Variants in NOC4L observed in about 807,000 individuals in gnomAD.
The protein encoded by NOC4L is nucleolar complex protein 4 homolog.
Under a neutral mutation model 62.8 loss-of-function variants are expected in NOC4L, and 40 were observed. The ratio of observed to expected loss-of-function variants is 0.64; its 90% CI spans 0.49 to 0.83. The LOEUF is 0.83. Among genes scored for constraint, NOC4L ranks in the 40% least tolerant of loss-of-function variants. NOC4L has a pLI of 0.00. For synonymous variants in NOC4L, 433 were observed against 299.8 expected (o/e 1.44, Z -4.59); for missense variants, 927 against 701.9 (o/e 1.32, Z -3.62).
At chr12:132,147,105 A>G (rs544529377) in intron 3 of NOC4L, among the ~76,000 whole-genome samples, 176 bp from the exon 4 acceptor site, 2 of 152,296 alleles carry the variant, frequency 1.3e-5, no homozygotes, top group South Asian at 4.1e-4. Flanking sequence ...TCTCTACGTC[A>G]TGGGTGGGAC....
At position 132,145,603 on chromosome 12, in the gene NOC4L, C is replaced by T. The variant is rs924697852; in HGVS notation, c.283C>T (p.Arg95Cys). The T allele has an allele frequency of 4.3e-6, 7 of 1,613,338 alleles. No homozygotes were observed. The highest frequency in any genetic ancestry group is 4.5e-5 in the East Asian group (2 of 44,886). ...GAAGTACAAGGTGTGGATGAGACAC[C>T]GCTATCACAGCTGCTGCAATCGCTT... is the stretch of plus-strand genomic sequence containing the variant. ...TRKYKVWMRH[R>C]YHSCCNRLGE... is the part of the protein sequence containing the mutation. The change falls in exon 3 of 15, where the codon CGC (arginine) becomes TGC (cysteine). Residue 95 changes from arginine (R) to cysteine (C), a missense_variant. Arg to Cys is a radical substitution (Grantham distance 180). Transcript: ENST00000330579.
chr12:132,148,149 G>GTT (rs769329593), intron 7 of NOC4L, 43 bp downstream of exon 7: 2 of 1,605,204 alleles, frequency 1.2e-6, no homozygotes, highest in Non-Finnish European at 1.7e-6. Flanking sequence ...CGGGTTTGGG[G>GTT]GTGTGTGTGG....
rs921904244 is a variant in NOC4L, at chr12:132,151,180, G to A, written c.963-78G>A. 63 of 1,436,968 alleles carry A rather than the reference G, an allele frequency of 4.4e-5. No individual in the cohort carries two copies. In the Middle Eastern group the frequency reaches 5.2e-4, roughly 12 times the overall value. The allele number at this position is 1,436,968 out of a possible 1,614,324, so 89.0% of individuals were successfully genotyped here. On this transcript the variant is annotated intron_variant, in intron 10 of 14. Coordinates refer to ENST00000330579, the MANE Select transcript of NOC4L (RefSeq NM_024078.3). The stretch of plus-strand genomic sequence containing the variant: ...GAGTCCCTGGGCGGGAGGAAGGGGC[G>A]CCGAGTGAGACCCTGGCCTTGGAGG...
intron 9 of NOC4L, 152 bp from the exon 10 acceptor site, chr12:132,150,829 C>G: frequency 6.1e-6 from 4 of 651,004 alleles, no homozygotes; most frequent in Middle Eastern, 4.1e-4. Context: ...CTCCCCTGCC[C>G]TGCATGTGGT....
intron 7 of NOC4L, 121 bp from the exon 8 acceptor site, chr12:132,148,488 G>C: frequency 1.8e-6 from 2 of 1,083,604 alleles, no homozygotes; most frequent in East Asian, 5.2e-5. Context: ...GGAAGGCAGG[G>C]TCAGAAAAGT....
chr12:132,150,674 A>ACCC lies in NOC4L; in HGVS notation c.902-305_902-304insCCC, dbSNP rs1412323361. Among the ~76,000 whole-genome samples, 10 of 35,042 alleles carry ACCC rather than the reference A, an allele frequency of 2.9e-4. 5 individuals are homozygous for ACCC. Among genetic ancestry groups the ACCC allele is most frequent in the Admixed American group, 5.4e-4 (2 of 3,696 alleles). The allele number at this position is 35,042 out of a possible 152,430, so 23.0% of individuals were successfully genotyped here. ...CGGTGAGTGCCGCCGCCTCGCTCAT[A>ACCC]CCACACCCCTAATCCCCTCGGTGAG... On this transcript the variant is annotated intron_variant, in intron 9 of 14. Coordinates refer to ENST00000330579, the MANE Select transcript of NOC4L (RefSeq NM_024078.3).
Position 132,151,657 on chromosome 12 carries a change from G to A in NOC4L, c.1234+13G>A, listed in dbSNP as rs1333218102. 5 of 1,611,336 alleles carry A rather than the reference G, an allele frequency of 3.1e-6. No homozygotes were observed. Among genetic ancestry groups the A allele is most frequent in the Non-Finnish European group, 4.2e-6 (5 of 1,179,256 alleles). On this transcript the variant is annotated intron_variant, in intron 12 of 14. Coordinates refer to ENST00000330579, the MANE Select transcript of NOC4L (RefSeq NM_024078.3). ...CCACACGGCCCTGGTGAGTTGCGGG[G>A]CCCTCGGAGGCTGGGCTGGAGCTGG...
chr12:132,148,821 T>C lies in NOC4L; in HGVS notation c.827T>C (p.Val276Ala), dbSNP rs776363015. 4.7e-5 allele frequency: 76 copies of C among 1,603,512 alleles called. 1 individual carries two copies. Among genetic ancestry groups the C allele is most frequent in the Non-Finnish European group, 5.8e-5 (68 of 1,178,052 alleles). The change falls in exon 9 of 15, where the codon GTG becomes GCG. Residue 276 changes from valine (V) to alanine (A), a missense_variant. Physicochemically the swap from Val to Ala is moderately conservative, Grantham distance 64. Transcript: ENST00000330579. ...CTCTACAAGAAGGTGCTGCTGATTG[T>C]GCATGACGCCATCCTGCCGCAGCTG... ...LSLYKKVLLIVHDAILPQLAQ... is the reference protein window; with the variant it reads ...LSLYKKVLLIAHDAILPQLAQ...
At chr12:132,145,997 C>G (rs538514584) in intron 3 of NOC4L, among the ~76,000 whole-genome samples, 208 of 152,310 alleles carry the variant, frequency 1.4e-3, no homozygotes, top group African/African-American at 4.7e-3. Flanking sequence ...GCATTATGAG[C>G]TTTCTTAAAA....
chr12:132,147,622 C>T lies in NOC4L; in HGVS notation c.454-11C>T. On this transcript the variant is annotated splice_polypyrimidine_tract_variant and intron_variant, in intron 4 of 14. Transcript: ENST00000330579. The stretch of plus-strand genomic sequence containing the variant: ...GGCCGGGCAGGGCTGCTCACTGGTC[C>T]TTGCCCCTAGTTGGTGGTGGGAGGC... 3 of 1,612,312 alleles carry T rather than the reference C, an allele frequency of 1.9e-6. No individual in the cohort carries two copies. Among genetic ancestry groups the T allele is most frequent in the Non-Finnish European group, 2.5e-6 (3 of 1,179,666 alleles).
intron 2 of NOC4L, 79 bp from the exon 3 acceptor site, chr12:132,145,480 C>T: frequency 2.2e-6 from 2 of 920,036 alleles, no homozygotes; most frequent in East Asian, 5.0e-5. Flanking sequence ...GAGGGTGGAG[C>T]CAGGCCTGAG....
Position 132,145,011 on chromosome 12 carries a change from T to C in NOC4L, c.238+37T>C, listed in dbSNP as rs556543310. The C allele has an allele frequency of 1.8e-5, 28 of 1,558,604 alleles. No individual in the cohort carries two copies. The South Asian group carries it at 3.0e-4, about 17-fold the overall frequency. Reference sequence around the variant, plus strand: ...AGGGCCCCGGGGCTGCTCTTCTCTTTCCGTGGGTCGGAGGGAGGCTTTGTC... The same window carrying C: ...AGGGCCCCGGGGCTGCTCTTCTCTTCCCGTGGGTCGGAGGGAGGCTTTGTC... On this transcript the variant is annotated intron_variant, in intron 2 of 14. Transcript: ENST00000330579.
At position 132,148,946 on chromosome 12, in the gene NOC4L, G is replaced by A. The variant is rs765367353; in HGVS notation, c.901+51G>A. ...CACACCCCTAATCCCCTCGGTGAGT[G>A]CCGCCGCCTCACTCCTACCACACCC... On this transcript the variant is annotated intron_variant, in intron 9 of 14. Coordinates refer to ENST00000330579, the MANE Select transcript of NOC4L (RefSeq NM_024078.3). 3.5e-5 allele frequency: 14 copies of A among 403,628 alleles called. 1 individual carries two copies. The highest frequency in any genetic ancestry group is 1.9e-4 in the African/African-American group (7 of 36,722). 25.0% of individuals were successfully genotyped at this position (403,628 alleles called of 1,614,324 possible).
In NOC4L at chr12:132,147,619, G is replaced by A; in HGVS notation, c.454-14G>A. On this transcript the variant is annotated splice_polypyrimidine_tract_variant and intron_variant, in intron 4 of 14. Coordinates refer to ENST00000330579, the MANE Select transcript of NOC4L (RefSeq NM_024078.3). ...CTGGGCCGGGCAGGGCTGCTCACTG[G>A]TCCTTGCCCCTAGTTGGTGGTGGGA... 1.2e-6 allele frequency: 2 copies of A among 1,612,248 alleles called. No homozygotes were observed. The highest frequency in any genetic ancestry group is 1.7e-4 in the Middle Eastern group (1 of 6,060).
chr12:132,145,045 A>G, intron 2 of NOC4L, 71 bp downstream of exon 2: 1 of 1,508,884 alleles, frequency 6.6e-7, no homozygotes, highest in Non-Finnish European at 8.9e-7. Flanking sequence ...TCACCATGGG[A>G]TGAGCGCCCC....
At chr12:132,148,500 G>C in intron 7 of NOC4L, 109 bp from the exon 8 acceptor site, 1 of 1,209,748 alleles carries the variant, frequency 8.3e-7, no homozygotes, top group Non-Finnish European at 1.2e-6. Context: ...CAGAAAAGTG[G>C]AGAGCAGGCT....
rs11543305 is a variant in NOC4L, at chr12:132,147,310, C to T, written c.375C>T (p.Phe125=). The T allele has an allele frequency of 0.1, 161,602 of 1,579,092 alleles. 9,081 individuals carry two copies. The highest frequency in any genetic ancestry group is 0.12 in the Non-Finnish European group (134,862 of 1,161,810). The part of the protein sequence containing the change: ...KELALSALLK[F]VQLEGAHPLE... Reference sequence around the variant, plus strand: ...TGGCCCTCAGCGCACTCCTGAAGTTCGTGCAGCTGGAAGGAGCGCACCCCC... The same window carrying T: ...TGGCCCTCAGCGCACTCCTGAAGTTTGTGCAGCTGGAAGGAGCGCACCCCC... The change falls in exon 4 of 15, where the codon TTC becomes TTT. Residue 125 remains phenylalanine, a synonymous_variant. Transcript: ENST00000330579.
Position 132,152,354 on chromosome 12 carries a change from C to T in NOC4L, c.1504C>T (p.Leu502=), listed in dbSNP as rs1484034873. The T allele has an allele frequency of 2.5e-6, 4 of 1,573,078 alleles. No homozygotes were observed. In the Admixed American group the frequency reaches 5.4e-5, roughly 21 times the overall value. The change falls in exon 15 of 15, where the codon CTG becomes TTG. Residue 502 remains leucine (L), a synonymous_variant. Transcript: ENST00000330579. ...PLEFIPAQGL[L]GRPGELCAQH... is the part of the protein sequence containing the mutation. ...GGAGTTTATCCCAGCCCAGGGCCTG[C>T]TGGGACGGCCGGGTGAACTCTGTGC...
chr12:132,147,906 C>A lies in NOC4L; in HGVS notation c.630C>A (p.Ala210=). Residue 210 remains alanine, a synonymous_variant, in exon 6 of 15, where the codon GCC becomes GCA. Coordinates refer to ENST00000330579, the MANE Select transcript of NOC4L (RefSeq NM_024078.3). ...TGCCCCCCGCCTTTTGGAACAATGC[C>A]TTCACGCTGCTGTCTGCCGTGAGCC... ...PEVPPAFWNN[A]FTLLSAVSLP... The A allele has an allele frequency of 6.2e-7, 1 of 1,605,960 alleles. No homozygotes were observed. The highest frequency in any genetic ancestry group is 8.5e-7 in the Non-Finnish European group (1 of 1,177,394).
Sources: gnomAD v4.1 joint callset for allele counts (sites outside exome capture counted in the v4.1 genomes callset) on GRCh38, gnomAD v4.1.1 for gene constraint, MANE v1.5 for transcripts, NCBI Gene and HGNC (gene_info 2026-07-23, HGNC 2026-07-21) for gene names.